TRPC6: variants seen among roughly 807,000 people sequenced by gnomAD.
TRPC6 encodes short transient receptor potential channel 6.
Under a neutral mutation model 90.7 loss-of-function variants are expected in TRPC6, and 55 were observed. The observed-to-expected ratio is 0.61, with a 90% CI of 0.49 to 0.76. TRPC6 has a LOEUF of 0.76. TRPC6 is among the 30% of genes least tolerant of loss of function. TRPC6 has a pLI of 0.00. For synonymous variants in TRPC6, 393 were observed against 393.0 expected (o/e 1.00, Z 0.00); for missense variants, 989 against 1,122.7 (o/e 0.88, Z 1.70).
rs1414900462 is a variant in TRPC6 at position 101,452,713 on chromosome 11, TTA to T, written c.*240_*241del. 5 of 502,566 alleles carry T rather than the reference TTA, an allele frequency of 9.9e-6. No homozygotes were observed. The highest frequency in any genetic ancestry group is 9.9e-5 in the Admixed American group (3 of 30,418). The allele number at this position is 502,566 out of a possible 1,614,324, so 31.1% of individuals were successfully genotyped here. A position where few individuals can be genotyped will look rare whatever the true frequency, so the allele number is the denominator to read the frequency against. On this transcript the variant is annotated 3_prime_UTR_variant, in exon 13 of 13. Coordinates refer to ENST00000344327, the MANE Select transcript of TRPC6 (RefSeq NM_004621.6). ...AGTTAGTTATATCCAAGAAAGCAGT[TTA>T]TAAAACAAGCACCAAACAACTGGGC...
At chr11:101,564,882 T>C (rs547815011) in intron 1 of TRPC6, among the ~76,000 whole-genome samples, 20 of 151,998 alleles carry the variant, frequency 1.3e-4, no homozygotes, top group African/African-American at 4.6e-4. Context: ...CATAGATCAA[T>C]AGAATAGAAC....
chr11:101,491,956 T>C (rs563504795), intron 2 of TRPC6, among the ~76,000 whole-genome samples: 192 of 147,748 alleles, frequency 1.3e-3, no homozygotes, highest in Middle Eastern at 3.5e-3. Flanking sequence ...TTCTCCTGCC[T>C]CAGCCTCCCG....
chr11:101,569,120 C>T (rs1182681333), intron 1 of TRPC6, among the ~76,000 whole-genome samples: 1 of 151,220 alleles, frequency 6.6e-6, no homozygotes, highest in Admixed American at 6.6e-5. Flanking sequence ...AGACCCATCT[C>T]ACATGCAAAG....
At chr11:101,487,157 C>T (rs1273337344) in intron 4 of TRPC6, among the ~76,000 whole-genome samples, 1 of 152,050 alleles carries the variant, frequency 6.6e-6, no homozygotes, top group East Asian at 1.9e-4. Flanking sequence ...CTCTGGAATA[C>T]ATTATGCTTT....
chr11:101,481,870 C>T (rs1282441773), intron 5 of TRPC6, among the ~76,000 whole-genome samples: 8 of 152,320 alleles, frequency 5.3e-5, no homozygotes, highest in South Asian at 2.1e-4. Flanking sequence ...TCCCATCACT[C>T]GCATCCATAA....
intron 2 of TRPC6, among the ~76,000 whole-genome samples, chr11:101,502,655 C>T (rs751316564): frequency 6.6e-6 from 1 of 152,106 alleles, no homozygotes; most frequent in South Asian, 2.1e-4. Context: ...TCCTAGGAGT[C>T]AAGCGAAAAG....
At chr11:101,465,503 T>A (rs1421067976) in intron 10 of TRPC6, among the ~76,000 whole-genome samples, 1 of 152,198 alleles carries the variant, frequency 6.6e-6, no homozygotes, top group Non-Finnish European at 1.5e-5. Context: ...TTCTTTTTTT[T>A]CTAATCTTGT....
chr11:101,552,874 A>T (rs552432532), intron 1 of TRPC6, among the ~76,000 whole-genome samples: 1 of 152,298 alleles, frequency 6.6e-6, no homozygotes, highest in East Asian at 1.9e-4. Flanking sequence ...ATAGTGACAA[A>T]CACTGTCAAA....
In TRPC6 at chr11:101,469,465, G is replaced by A. The variant is rs1391849765; in HGVS notation, c.2446C>T (p.His816Tyr). 1 of 772,084 alleles carries A rather than the reference G, an allele frequency of 1.3e-6. No individual in the cohort carries two copies. Among genetic ancestry groups the A allele is most frequent in the South Asian group, 1.4e-5 (1 of 73,426 alleles). The allele number at this position is 772,084 out of a possible 1,614,324, so 47.8% of individuals were successfully genotyped here. Residue 816 changes from histidine to tyrosine, a missense_variant, in exon 10 of 13, where the codon CAT becomes TAT. By Grantham distance (83) the His-to-Tyr change is moderately conservative (BLOSUM62 2). Coordinates refer to ENST00000344327, the MANE Select transcript of TRPC6 (RefSeq NM_004621.6). The part of the protein sequence containing the change: ...EEKKLGILGS[H>Y]EDLSKLSLDK... ...AGTGATAATTTTGAAAGGTCTTCATGACTTCCTAAAATTCCAAGTTTCTTT... is the reference window on the plus strand; with the variant it reads ...AGTGATAATTTTGAAAGGTCTTCATAACTTCCTAAAATTCCAAGTTTCTTT...
Position 101,583,823 on chromosome 11 carries a change from T to G in TRPC6, c.-320A>C, listed in dbSNP as rs1162695221. The G allele has an allele frequency of 6.4e-6, 2 of 314,814 alleles. No homozygotes were observed. The highest frequency in any genetic ancestry group is 1.2e-5 in the Non-Finnish European group (2 of 172,312). 19.5% of individuals were successfully genotyped at this position (314,814 alleles called of 1,614,324 possible). ...CGGGGCCGCTGGTGGTAGCGAAGCG[T>G]AAGAGCGGAGAGCAAGGGAGACGGA... On this transcript the variant is annotated 5_prime_UTR_variant, in exon 1 of 13. Transcript: ENST00000344327.
rs771248904 is a variant in TRPC6 at position 101,453,654 on chromosome 11, G to A, written c.2640C>T (p.Asn880=). ...TTGCTTCTGCGTTCAACTCACCTTCGTTCACTTCATCACTCTCCTTATCTA... is the reference window on the plus strand; with the variant it reads ...TTGCTTCTGCGTTCAACTCACCTTCATTCACTTCATCACTCTCCTTATCTA... The part of the protein sequence containing the change: ...AQIDKESDEV[N]EGELKEIKQD... The change falls in exon 12 of 13, where the codon AAC becomes AAT. Residue 880 remains asparagine (N), a synonymous_variant. Transcript: ENST00000344327. The A allele has an allele frequency of 3.8e-5, 62 of 1,613,646 alleles. No individual in the cohort carries two copies. The Admixed American group carries it at 7.2e-4, about 19-fold the overall frequency.
intron 1 of TRPC6, among the ~76,000 whole-genome samples, chr11:101,514,155 G>A (rs191246425): frequency 1.1e-3 from 167 of 152,158 alleles, no homozygotes; most frequent in Non-Finnish European, 1.8e-3. Context: ...CACCGGGATC[G>A]TAACAGTTCA....
At chr11:101,508,978 T>C (rs1860336574) in intron 1 of TRPC6, among the ~76,000 whole-genome samples, 1 of 152,038 alleles carries the variant, frequency 6.6e-6, no homozygotes, top group Admixed American at 6.6e-5. Context: ...TTAAATTTTT[T>C]TACAGCCACA....
At chr11:101,506,763 ACTTT>A (rs1401719129) in intron 1 of TRPC6, among the ~76,000 whole-genome samples, 2 of 152,112 alleles carry the variant, frequency 1.3e-5, no homozygotes, top group Non-Finnish European at 2.9e-5. Context: ...CATAGCTATT[ACTTT>A]GTTTTTAATT....
At chr11:101,473,135 A>G (rs902953741) in intron 7 of TRPC6, among the ~76,000 whole-genome samples, 2 of 152,036 alleles carry the variant, frequency 1.3e-5, no homozygotes, top group African/African-American at 4.8e-5. Flanking sequence ...AGGGTAAGGG[A>G]GTTTAGAGCA....
chr11:101,577,466 A>G (rs1862094210), intron 1 of TRPC6, among the ~76,000 whole-genome samples: 2 of 152,188 alleles, frequency 1.3e-5, no homozygotes, highest in Admixed American at 1.3e-4. Flanking sequence ...TGCTTAAAGG[A>G]GTAGACATAT....
chr11:101,535,388 T>G (rs566060553), intron 1 of TRPC6, among the ~76,000 whole-genome samples: 1,365 of 81,360 alleles, frequency 0.017, 32 homozygotes, highest in African/African-American at 0.042. Context: ...TTCCCTAATC[T>G]TATTATTATT....
chr11:101,567,668 G>A (rs1861867050), intron 1 of TRPC6, among the ~76,000 whole-genome samples: 1 of 152,202 alleles, frequency 6.6e-6, no homozygotes, highest in Non-Finnish European at 1.5e-5. Context: ...CCAGAGGAAG[G>A]AACAGGCAGC....
chr11:101,471,502 G>A (rs1859291965), intron 8 of TRPC6, 116 bp from the exon 9 acceptor site: 1 of 1,069,144 alleles, frequency 9.4e-7, no homozygotes, highest in African/African-American at 1.6e-5. Context: ...TCAGACCCCA[G>A]TGATCGTTCC....
Sources: allele counts gnomAD v4.1 joint callset (sites outside exome capture counted in the v4.1 genomes callset), GRCh38; gene constraint gnomAD v4.1.1; transcripts MANE v1.5; gene names NCBI Gene and HGNC (gene_info 2026-07-23, HGNC 2026-07-21).